ST8SIA6: variants seen among roughly 807,000 people sequenced by gnomAD.
The protein encoded by ST8SIA6 is alpha-2,8-sialyltransferase 8F.
Under a neutral mutation model 33.6 loss-of-function variants are expected in ST8SIA6, and 39 were observed. The observed-to-expected ratio is 1.16, with a 90% CI of 0.90 to 1.52. The LOEUF is 1.52. Among genes scored for constraint, ST8SIA6 ranks in the 40% most tolerant of loss-of-function variants. The pLI is 0.00. For missense variants in ST8SIA6, 441 were observed against 443.8 expected, an observed-to-expected ratio of 0.99 and a Z score of 0.06; for synonymous variants, 172 against 167.2, an observed-to-expected ratio of 1.03 and a Z score of -0.22.
chr10:17,337,132 T>C (rs537908179), intron 4 of ST8SIA6, among the ~76,000 whole-genome samples: 1 of 144,882 alleles, frequency 6.9e-6, no homozygotes, highest in African/African-American at 2.7e-5. Flanking sequence ...TTTTAAAGTG[T>C]GAAGCACCTC....
rs963821750 is a variant in ST8SIA6, at chr10:17,317,502, A to C, written c.*3376T>G. 1.3e-5 allele frequency among the ~76,000 whole-genome samples: 2 copies of C among 152,242 alleles called. No homozygotes were observed. Among genetic ancestry groups the C allele is most frequent in the African/African-American group, 4.8e-5 (2 of 41,468 alleles). ...TACAATGCCTTCAATTTTTAATGGC[A>C]TAATAATGTGTTTCCATGTCATGTT... On this transcript the variant is annotated 3_prime_UTR_variant, in exon 8 of 8. Coordinates refer to ENST00000377602, the MANE Select transcript of ST8SIA6 (RefSeq NM_001004470.3).
At chr10:17,355,263 C>G (rs142893322) in intron 4 of ST8SIA6, among the ~76,000 whole-genome samples, 122 of 152,348 alleles carry the variant, frequency 8.0e-4, no homozygotes, top group Middle Eastern at 3.4e-3. Flanking sequence ...GTCCAAGATG[C>G]TTTTATCTTC....
rs58234998 is a variant in ST8SIA6, at chr10:17,374,071, CCACACA to C, written c.291-14477_291-14472del. Reference sequence around the variant, plus strand: ...AGTTATCTTTTAACATCAACAACCACCACACACACACACACACACACACACACACAC... The same window carrying C: ...AGTTATCTTTTAACATCAACAACCACCACACACACACACACACACACACAC... On this transcript the variant is annotated intron_variant, in intron 3 of 7. Transcript: ENST00000377602. 2.3e-3 allele frequency among the ~76,000 whole-genome samples: 321 copies of C among 139,104 alleles called. 2 individuals carry two copies. Among genetic ancestry groups the C allele is most frequent in the East Asian group, 9.8e-3 (47 of 4,818 alleles). The allele number at this position is 139,104 out of a possible 152,430, so 91.3% of individuals were successfully genotyped here.
chr10:17,363,776 C>T (rs181269716), intron 3 of ST8SIA6, among the ~76,000 whole-genome samples: 76 of 152,238 alleles, frequency 5.0e-4, no homozygotes, highest in African/African-American at 1.6e-3. Flanking sequence ...TCTCTGCTTC[C>T]CCCCTCCACC....
chr10:17,346,535 A>C (rs1290877428), intron 4 of ST8SIA6, among the ~76,000 whole-genome samples: 1 of 152,202 alleles, frequency 6.6e-6, no homozygotes. Flanking sequence ...TCAAGGTTGC[A>C]GTGAGCTGTG....
chr10:17,343,054 T>C (rs1848725470), intron 4 of ST8SIA6, among the ~76,000 whole-genome samples: 3 of 152,216 alleles, frequency 2.0e-5, no homozygotes, highest in African/African-American at 7.2e-5. Context: ...GAGCAAATCA[T>C]TCCTTTCGCA....
At chr10:17,347,761 C>T (rs1234721685) in intron 4 of ST8SIA6, among the ~76,000 whole-genome samples, 1 of 151,964 alleles carries the variant, frequency 6.6e-6, no homozygotes, top group Non-Finnish European at 1.5e-5. Flanking sequence ...CAGTGAAACC[C>T]TGTCTCTACT....
At chr10:17,344,824 A>C (rs757818921) in intron 4 of ST8SIA6, among the ~76,000 whole-genome samples, 2 of 152,194 alleles carry the variant, frequency 1.3e-5, no homozygotes. Context: ...ACTGGAGTGC[A>C]CAGAGTCAAG....
chr10:17,453,381 G>C (rs1852988725), intron 2 of ST8SIA6, among the ~76,000 whole-genome samples, 178 bp downstream of exon 2: 2 of 151,726 alleles, frequency 1.3e-5, no homozygotes, highest in Admixed American at 1.3e-4. Flanking sequence ...AGGGTTGAGG[G>C]AGTGTGAAGG....
At chr10:17,392,899 G>C (rs972838045) in intron 2 of ST8SIA6, among the ~76,000 whole-genome samples, 1 of 152,182 alleles carries the variant, frequency 6.6e-6, no homozygotes, top group Admixed American at 6.5e-5. Context: ...GTGTCAACTT[G>C]ATTGGGCAAA....
rs753627536 is a variant in ST8SIA6, at chr10:17,327,122, T to G, written c.527A>C (p.Gln176Pro). ...ATTATAAGGGTAGTCCACAAAAGGC[T>G]GGGACTAGCAGGAGAAAGTGGAAAA... ...KNIFHMFPVS[Q>P]PFVDYPYNQC... The change falls in exon 6 of 8, where the codon CAG becomes CCG. Residue 176 changes from glutamine (Q) to proline (P), a missense_variant. Transcript: ENST00000377602. 1.1e-5 allele frequency: 18 copies of G among 1,595,726 alleles called. No homozygotes were observed. The highest frequency in any genetic ancestry group is 1.4e-5 in the Non-Finnish European group (17 of 1,173,324).
chr10:17,441,216 T>G (rs1201766214), intron 2 of ST8SIA6, among the ~76,000 whole-genome samples: 3 of 152,138 alleles, frequency 2.0e-5, no homozygotes, highest in Non-Finnish European at 4.4e-5. Flanking sequence ...TATGTTTTCT[T>G]TTGGACATTT....
chr10:17,334,018 G>C (rs192091753), intron 4 of ST8SIA6, among the ~76,000 whole-genome samples: 1 of 144,208 alleles, frequency 6.9e-6, no homozygotes. Flanking sequence ...ACTGCACCTG[G>C]TTTTTTTTTT....
chr10:17,445,242 A>G (rs913280683), intron 2 of ST8SIA6, among the ~76,000 whole-genome samples: 1 of 152,230 alleles, frequency 6.6e-6, no homozygotes, highest in African/African-American at 2.4e-5. Flanking sequence ...TACAACTTTC[A>G]ATATAAGACA....
Position 17,352,920 on chromosome 10 carries a change from C to G in ST8SIA6, c.377+6594G>C, listed in dbSNP as rs577830963. ...AAAGAAAAAAGCTTTTTCAATCTGA[C>G]AGCTGACCCAAATCACCTATCATAA... On this transcript the variant is annotated intron_variant, in intron 4 of 7. Coordinates refer to ENST00000377602, the MANE Select transcript of ST8SIA6 (RefSeq NM_001004470.3). Among the ~76,000 whole-genome samples, 21 of 152,136 alleles carry G rather than the reference C, an allele frequency of 1.4e-4. No individual in the cohort carries two copies. The South Asian group carries it at 3.3e-3, about 24-fold the overall frequency.
intron 4 of ST8SIA6, among the ~76,000 whole-genome samples, chr10:17,345,775 G>A (rs984437336): frequency 6.6e-6 from 1 of 152,162 alleles, no homozygotes; most frequent in African/African-American, 2.4e-5. Context: ...ATGCATTTTA[G>A]GATGTGCACC....
intron 3 of ST8SIA6, among the ~76,000 whole-genome samples, chr10:17,380,890 T>C (rs917281860): frequency 6.8e-6 from 1 of 147,836 alleles, no homozygotes; most frequent in African/African-American, 2.5e-5. Flanking sequence ...CGTTTGTGTG[T>C]ATGCATATGT....
chr10:17,365,208 C>A (rs1352112691), intron 3 of ST8SIA6, among the ~76,000 whole-genome samples: 1 of 152,126 alleles, frequency 6.6e-6, no homozygotes, highest in Non-Finnish European at 1.5e-5. Flanking sequence ...AAATAACCTA[C>A]TAAATGATAA....
intron 3 of ST8SIA6, among the ~76,000 whole-genome samples, chr10:17,388,421 T>A (rs1185289297): frequency 6.6e-6 from 1 of 152,086 alleles, no homozygotes; most frequent in Admixed American, 6.5e-5. Context: ...TATCCCCAGA[T>A]CAAACTCCAA....
Sources: allele counts gnomAD v4.1 joint callset (sites outside exome capture counted in the v4.1 genomes callset), GRCh38; gene constraint gnomAD v4.1.1; transcripts MANE v1.5; gene names NCBI Gene and HGNC (gene_info 2026-07-23, HGNC 2026-07-21).